PPP1R12A: variants seen among roughly 807,000 people sequenced by gnomAD.
The protein encoded by PPP1R12A is myosin binding subunit.
In PPP1R12A, 19 loss-of-function variants were observed where a neutral mutation model predicts 139.6. The observed-to-expected ratio is 0.14, with a 90% CI of 0.09 to 0.20. PPP1R12A has a LOEUF of 0.20. PPP1R12A is among the 10% of genes least tolerant of loss of function. PPP1R12A has a pLI of 1.00. For synonymous variants in PPP1R12A, 427 were observed against 420.6 expected (o/e 1.02, Z -0.19); for missense variants, 925 against 1,211.5 (o/e 0.76, Z 3.51).
At chr12:79,897,429 A>C (rs1885230289) in intron 1 of PPP1R12A, among the ~76,000 whole-genome samples, 1 of 152,026 alleles carries the variant, frequency 6.6e-6, no homozygotes, top group African/African-American at 2.4e-5. Flanking sequence ...GAGTTGAAAA[A>C]CTGTTGGGTA....
chr12:79,832,574 G>C (rs1348645746), intron 3 of PPP1R12A, 83 bp from the exon 4 acceptor site: 11 of 1,333,830 alleles, frequency 8.2e-6, no homozygotes, highest in Non-Finnish European at 1.1e-5. Flanking sequence ...AACATGTCAA[G>C]TTTAAATAAA....
chr12:79,782,284 T>C (rs558073451), intron 22 of PPP1R12A: 1 of 195,564 alleles, frequency 5.1e-6, no homozygotes, highest in South Asian at 8.7e-5. Flanking sequence ...TGAATGACTC[T>C]GTATCCATGC....
intron 18 of PPP1R12A, 55 bp downstream of exon 18, chr12:79,795,583 C>T: frequency 6.6e-7 from 1 of 1,525,188 alleles, no homozygotes; most frequent in South Asian, 1.2e-5. Context: ...TTTTTGGACA[C>T]ATTAAGAATA....
chr12:79,902,416 A>G (rs1488263225), intron 1 of PPP1R12A, among the ~76,000 whole-genome samples: 1 of 152,150 alleles, frequency 6.6e-6, no homozygotes, highest in Non-Finnish European at 1.5e-5. Context: ...TAGCAATTTT[A>G]TGCTAGAGTC....
chr12:79,864,807 T>C (rs898529545), intron 2 of PPP1R12A, among the ~76,000 whole-genome samples: 2 of 151,992 alleles, frequency 1.3e-5, no homozygotes, highest in Admixed American at 1.3e-4. Context: ...CAATAACAGG[T>C]TCTGAAATTG....
intron 9 of PPP1R12A, among the ~76,000 whole-genome samples, chr12:79,814,248 C>T (rs998900899): frequency 1.3e-4 from 19 of 151,920 alleles, no homozygotes; most frequent in Middle Eastern, 3.4e-3. Context: ...AAGGCTGAGG[C>T]GGGTGGATCA....
chr12:79,872,699 C>A, intron 2 of PPP1R12A, 109 bp downstream of exon 2: 1 of 1,186,886 alleles, frequency 8.4e-7, no homozygotes, highest in Non-Finnish European at 1.2e-6. Context: ...GAATAATTTT[C>A]ATGAATTAAA....
At chr12:79,863,680 G>A (rs1478997485) in intron 2 of PPP1R12A, among the ~76,000 whole-genome samples, 1 of 143,106 alleles carries the variant, frequency 7.0e-6, no homozygotes, top group Non-Finnish European at 1.5e-5. Flanking sequence ...AAGAGCAGGG[G>A]TTGCAATCCT....
At chr12:79,894,355 G>T (rs1199975612) in intron 1 of PPP1R12A, among the ~76,000 whole-genome samples, 1 of 152,056 alleles carries the variant, frequency 6.6e-6, no homozygotes, top group Admixed American at 6.6e-5. Flanking sequence ...CAGCTAGTTG[G>T]TTTTTTTCTT....
intron 1 of PPP1R12A, among the ~76,000 whole-genome samples, chr12:79,904,263 C>T (rs561328695): frequency 1.2e-4 from 18 of 151,260 alleles, no homozygotes; most frequent in African/African-American, 3.9e-4. Context: ...TCTGCTTGAC[C>T]GGAATAAAAT....
At chr12:79,880,195 A>G (rs1320276238) in intron 1 of PPP1R12A, among the ~76,000 whole-genome samples, 2 of 152,222 alleles carry the variant, frequency 1.3e-5, no homozygotes, top group African/African-American at 2.4e-5. Flanking sequence ...CATAAGGGCC[A>G]TAATAGCAGT....
Position 79,797,257 on chromosome 12 carries a change from T to C in PPP1R12A, c.2230A>G (p.Lys744Glu). 2 of 1,588,254 alleles carry C rather than the reference T, an allele frequency of 1.3e-6. No homozygotes were observed. Among genetic ancestry groups the C allele is most frequent in the South Asian group, 1.1e-5 (1 of 87,890 alleles). The change falls in exon 16 of 25, where the codon AAG becomes GAG. Residue 744 changes from lysine (K) to glutamate (E), a missense_variant. Physicochemically the swap from Lys to Glu is moderately conservative, Grantham distance 56. Around this residue, in one of 4 missense-constraint regions of PPP1R12A, gnomAD observed 315 missense variants for 363.4 expected, o/e 0.87. Coordinates refer to ENST00000450142, the MANE Select transcript of PPP1R12A (RefSeq NM_002480.3). ...TCTTCTCTAGATGTTTCTGACTCCT[T>C]CTTTTCTTCTTGTTTCTCTTTATCT... ...KQDKEKQEEK[K>E]ESETSREDEY...
intron 5 of PPP1R12A, among the ~76,000 whole-genome samples, chr12:79,823,365 A>C (rs1004661712): frequency 3.3e-5 from 5 of 152,182 alleles, no homozygotes; most frequent in Non-Finnish European, 5.9e-5. Flanking sequence ...TATATCCACA[A>C]CAAGATCAGA....
intron 22 of PPP1R12A, among the ~76,000 whole-genome samples, chr12:79,785,807 C>T (rs1343552207): frequency 6.6e-6 from 1 of 152,018 alleles, no homozygotes; most frequent in Non-Finnish European, 1.5e-5. Context: ...TCTCCCAGAA[C>T]TAATGTTCCA....
chr12:79,913,729 C>G (rs1171579900), intron 1 of PPP1R12A: 1 of 152,132 alleles, frequency 6.6e-6, no homozygotes, highest in Non-Finnish European at 1.5e-5. Context: ...GCACACATAT[C>G]TGGGATTTTG....
chr12:79,929,113 T>C (rs1014669042), intron 1 of PPP1R12A, among the ~76,000 whole-genome samples: 1 of 152,158 alleles, frequency 6.6e-6, no homozygotes, highest in Non-Finnish European at 1.5e-5. Flanking sequence ...CACATCATCA[T>C]CAGGAATTAG....
At chr12:79,841,557 TAC>T (rs1878714696) in intron 3 of PPP1R12A, among the ~76,000 whole-genome samples, 2 of 152,328 alleles carry the variant, frequency 1.3e-5, no homozygotes, top group South Asian at 2.1e-4. Flanking sequence ...CAGCCCCGCT[TAC>T]AGTTACGCTA....
intron 2 of PPP1R12A, among the ~76,000 whole-genome samples, chr12:79,856,142 C>CA (rs912667748): frequency 5.3e-5 from 8 of 152,152 alleles, no homozygotes; most frequent in African/African-American, 1.2e-4. Context: ...AAGAATCTTC[C>CA]AAAAAAACAG....
intron 3 of PPP1R12A, among the ~76,000 whole-genome samples, chr12:79,843,611 AATATAG>A (rs200027074): frequency 0.25 from 33,526 of 134,510 alleles, 4,280 homozygotes; most frequent in South Asian, 0.29. Flanking sequence ...CTCAAAAAAA[AATATAG>A]ATATAGATAT....
Sources: gnomAD v4.1 joint callset for allele counts (sites outside exome capture counted in the v4.1 genomes callset) on GRCh38, gnomAD v4.1.1 for gene constraint, gnomAD v4.1.1 regional missense constraint, MANE v1.5 for transcripts, NCBI Gene and HGNC (gene_info 2026-07-23, HGNC 2026-07-21) for gene names.